FAF2: variants seen among roughly 807,000 people sequenced by gnomAD.
The protein encoded by FAF2 is Fas associated factor family member 2, also known as FAS-associated factor 2.
A neutral mutation model predicts 62.3 loss-of-function variants in FAF2; 9 were observed. The observed-to-expected ratio is 0.14, with a 90% confidence interval of 0.09 to 0.25. The LOEUF is 0.25. Among genes scored for constraint, FAF2 ranks in the 10% least tolerant of loss-of-function variants. The pLI, the probability that FAF2 is intolerant of heterozygous loss-of-function variation, is 1.00. For synonymous variants in FAF2, 202 were observed against 198.0 expected, an observed-to-expected ratio of 1.02 and a Z score of -0.17; for missense variants, 368 against 556.2, an observed-to-expected ratio of 0.66 and a Z score of 3.40.
chr5:176,486,543 C>T, intron 3 of FAF2, 54 bp downstream of exon 3: 1 of 1,572,604 alleles, frequency 6.4e-7, no homozygotes, highest in Non-Finnish European at 8.7e-7. Flanking sequence ...AGTATATCCA[C>T]TTGGTTATAT....
chr5:176,486,540 C>T, intron 3 of FAF2, 51 bp downstream of exon 3: 1 of 1,585,642 alleles, frequency 6.3e-7, no homozygotes, highest in East Asian at 2.2e-5. Flanking sequence ...ATAAGTATAT[C>T]CACTTGGTTA....
intron 8 of FAF2, among the ~76,000 whole-genome samples, chr5:176,497,848 A>G (rs1755524439): frequency 6.6e-6 from 1 of 152,178 alleles, no homozygotes; most frequent in Non-Finnish European, 1.5e-5. Flanking sequence ...CTTGTTACAT[A>G]TTAGAAAAAT....
chr5:176,451,892 ATTTTTTTTTTTTT>A (rs1174600881), intron 1 of FAF2, among the ~76,000 whole-genome samples: 23 of 21,676 alleles, frequency 1.1e-3, no homozygotes, highest in African/African-American at 4.4e-3. Context: ...ATATATATAT[ATTTTTTTTTTTTT>A]TTTTTTTTTT....
At chr5:176,462,328 G>T (rs1181173843) in intron 1 of FAF2, among the ~76,000 whole-genome samples, 2 of 151,892 alleles carry the variant, frequency 1.3e-5, no homozygotes, top group Non-Finnish European at 2.9e-5. Context: ...ATAGTGCTTG[G>T]TTAATTGATA....
chr5:176,495,231 G>A (rs1309412164), intron 7 of FAF2, among the ~76,000 whole-genome samples: 1 of 152,274 alleles, frequency 6.6e-6, no homozygotes, highest in African/African-American at 2.4e-5. Flanking sequence ...ATATTAGCAT[G>A]CCACATACTG....
intron 2 of FAF2, among the ~76,000 whole-genome samples, chr5:176,483,799 G>A (rs917261948): frequency 1.4e-4 from 22 of 152,316 alleles, no homozygotes; most frequent in Middle Eastern, 3.4e-3. Flanking sequence ...AGAGTTGGCC[G>A]GGTGTGGTGG....
In FAF2 at chr5:176,468,289, T is replaced by C. The variant is rs142381731; in HGVS notation, c.64-10899T>C. 1.7e-3 allele frequency among the ~76,000 whole-genome samples: 262 copies of C among 152,208 alleles called. 1 individual carries two copies. The highest frequency in any genetic ancestry group is 2.4e-3 in the Non-Finnish European group (160 of 68,004). On this transcript the variant is annotated intron_variant, in intron 1 of 10. Coordinates refer to ENST00000261942, the MANE Select transcript of FAF2 (RefSeq NM_014613.3). ...GGCATTGCACTGGGTCTTGGGAGTA[T>C]AGAAGTAAATAGAGGCTGGGCGCAG...
At chr5:176,481,164 A>C (rs1758778327) in intron 2 of FAF2, among the ~76,000 whole-genome samples, 1 of 152,162 alleles carries the variant, frequency 6.6e-6, no homozygotes, top group African/African-American at 2.4e-5. Context: ...CTCCTGCCTC[A>C]GTCTCCTGAG....
At chr5:176,462,451 CCA>C in intron 1 of FAF2, among the ~76,000 whole-genome samples, 1 of 151,872 alleles carries the variant, frequency 6.6e-6, no homozygotes, top group South Asian at 2.1e-4. Flanking sequence ...TGGTGAAACC[CCA>C]TCTCTACTAA....
chr5:176,476,971 G>C (rs906560040), intron 1 of FAF2, among the ~76,000 whole-genome samples: 2 of 151,560 alleles, frequency 1.3e-5, no homozygotes, highest in African/African-American at 4.9e-5. Flanking sequence ...CACCATGCCC[G>C]GCTAATTTTT....
chr5:176,474,382 C>T (rs181707844), intron 1 of FAF2, among the ~76,000 whole-genome samples: 18 of 152,302 alleles, frequency 1.2e-4, no homozygotes, highest in Admixed American at 5.9e-4. Context: ...AAGTAGAGAA[C>T]AGTGCTTAAG....
chr5:176,498,164 G>A (rs961712469), intron 8 of FAF2, among the ~76,000 whole-genome samples: 2 of 152,108 alleles, frequency 1.3e-5, no homozygotes, highest in Non-Finnish European at 2.9e-5. Context: ...TCAAAATCCT[G>A]TAAATAATAG....
chr5:176,457,609 G>T (rs1758298413), intron 1 of FAF2, among the ~76,000 whole-genome samples: 1 of 151,992 alleles, frequency 6.6e-6, no homozygotes, highest in Non-Finnish European at 1.5e-5. Flanking sequence ...TATCAAAAAT[G>T]AAATAGTCAT....
rs1328615011 is a variant in FAF2, at chr5:176,509,324, G to C, written c.*2374G>C. On this transcript the variant is annotated 3_prime_UTR_variant, in exon 11 of 11. Coordinates refer to ENST00000261942, the MANE Select transcript of FAF2 (RefSeq NM_014613.3). ...CAGTACAATCTGTGTTACTCCTAAG[G>C]ACTTTTGGGATTTTGATGAGACCTG... is the stretch of plus-strand genomic sequence containing the variant. 1 of 152,116 alleles carries C rather than the reference G, an allele frequency of 6.6e-6. No individual in the cohort carries two copies. Among genetic ancestry groups the C allele is most frequent in the Non-Finnish European group, 1.5e-5 (1 of 68,032 alleles). The allele number at this position is 152,116 out of a possible 1,614,324, so 9.4% of individuals were successfully genotyped here.
intron 1 of FAF2, among the ~76,000 whole-genome samples, chr5:176,452,715 A>G (rs1331024321): frequency 1.3e-5 from 2 of 152,252 alleles, no homozygotes; most frequent in Non-Finnish European, 1.5e-5. Flanking sequence ...AAAGTGGACA[A>G]TAAGACTAGA....
At chr5:176,480,798 C>A (rs997483955) in intron 2 of FAF2, among the ~76,000 whole-genome samples, 1 of 4,260 alleles carries the variant, frequency 2.3e-4, no homozygotes, top group South Asian at 4.9e-3. Flanking sequence ...CGGGGCCTCT[C>A]GGGGGGTGGG....
At chr5:176,484,608 G>A (rs1758841112) in intron 2 of FAF2, among the ~76,000 whole-genome samples, 1 of 152,130 alleles carries the variant, frequency 6.6e-6, no homozygotes. Flanking sequence ...AAAGGTTAAA[G>A]TTCCTGGCCA....
At chr5:176,456,519 G>A (rs936962933) in intron 1 of FAF2, among the ~76,000 whole-genome samples, 3 of 152,034 alleles carry the variant, frequency 2.0e-5, no homozygotes, top group Non-Finnish European at 1.5e-5. Context: ...GGTCCTTAAG[G>A]AATTGCAAAT....
chr5:176,489,109 A>G, intron 4 of FAF2, 82 bp downstream of exon 4: 1 of 1,004,866 alleles, frequency 1.0e-6, no homozygotes. Context: ...TTTATGCTCT[A>G]TCAATGTTGA....
Sources: allele counts gnomAD v4.1 joint callset (sites outside exome capture counted in the v4.1 genomes callset), GRCh38; gene constraint gnomAD v4.1.1; transcripts MANE v1.5; gene names NCBI Gene and HGNC (gene_info 2026-07-23, HGNC 2026-07-21).